The following SNTB2 variants were observed in gnomAD, a reference collection of about 807,000 sequenced individuals.
SNTB2 encodes the protein beta-2-syntrophin.
Under a neutral mutation model 46.2 loss-of-function variants are expected in SNTB2, and 34 were observed. The ratio of observed to expected loss-of-function variants is 0.74; its 90% CI spans 0.56 to 0.98. The LOEUF (loss-of-function observed/expected upper bound fraction) is 0.98. Ranked by LOEUF, SNTB2 falls within the 50% of genes least tolerant of loss-of-function variation. The pLI, the probability that SNTB2 is intolerant of heterozygous loss-of-function variation, is 0.00. For synonymous variants in SNTB2, 290 were observed against 312.6 expected, an observed-to-expected ratio of 0.93 and a Z score of 0.76; for missense variants, 603 against 731.4, an observed-to-expected ratio of 0.82 and a Z score of 2.02.
chr16:69,231,632 A>T (rs1307975578), intron 1 of SNTB2, among the ~76,000 whole-genome samples: 2 of 152,168 alleles, frequency 1.3e-5, no homozygotes, highest in Admixed American at 1.3e-4. Flanking sequence ...TAGAAAATAA[A>T]TATAAATCTT....
intron 1 of SNTB2, among the ~76,000 whole-genome samples, chr16:69,193,263 C>T (rs540473271): frequency 1.4e-5 from 2 of 143,058 alleles, no homozygotes; most frequent in African/African-American, 5.2e-5. Flanking sequence ...ACACCTTACA[C>T]TTAGAAAAAT....
chr16:69,292,379 T>TATATATATTA (rs1491168503), intron 5 of SNTB2, among the ~76,000 whole-genome samples: 1 of 30,304 alleles, frequency 3.3e-5, no homozygotes, highest in African/African-American at 1.7e-4. Flanking sequence ...TATATATATA[T>TATATATATTA]TATATATATA....
intron 1 of SNTB2, among the ~76,000 whole-genome samples, chr16:69,206,083 A>C (rs1359051180): frequency 6.6e-6 from 1 of 152,130 alleles, no homozygotes; most frequent in East Asian, 1.9e-4. Context: ...AGCATCCTCT[A>C]ACTCCTGGGC....
intron 1 of SNTB2, among the ~76,000 whole-genome samples, chr16:69,195,921 T>C (rs1009369052): frequency 1.3e-5 from 2 of 152,134 alleles, no homozygotes; most frequent in South Asian, 2.1e-4. Context: ...GGTTAACTTA[T>C]GTACACTATA....
intron 4 of SNTB2, among the ~76,000 whole-genome samples, chr16:69,280,594 C>T (rs1300570561): frequency 2.1e-5 from 3 of 142,518 alleles, no homozygotes; most frequent in Non-Finnish European, 4.5e-5. Context: ...GGGGGCTGAA[C>T]CCCCCACCTC....
rs1597208484 is a variant in SNTB2 at position 69,307,942 on chromosome 16, A to G, written c.*7018A>G. Reference sequence around the variant, plus strand: ...TTTTCCATAATTTTCACACAATAACAGTCCCTTTCTATCCAGCTTGCCTTC... The same window carrying G: ...TTTTCCATAATTTTCACACAATAACGGTCCCTTTCTATCCAGCTTGCCTTC... On this transcript the variant is annotated 3_prime_UTR_variant, in exon 7 of 7. Transcript: ENST00000336278. The G allele has an allele frequency of 6.6e-6, 1 of 152,368 alleles. No individual in the cohort carries two copies. The highest frequency in any genetic ancestry group is 1.9e-4 in the East Asian group (1 of 5,192). The allele number at this position is 152,368 out of a possible 1,614,324, so 9.4% of individuals were successfully genotyped here. A position where few individuals can be genotyped will look rare whatever the true frequency, so the allele number is the denominator to read the frequency against.
At chr16:69,218,710 T>C (rs1685525554) in intron 1 of SNTB2, among the ~76,000 whole-genome samples, 1 of 152,224 alleles carries the variant, frequency 6.6e-6, no homozygotes, top group Admixed American at 6.5e-5. Flanking sequence ...CATGAGTCAC[T>C]GTGCCTGGCC....
At chr16:69,281,499 G>GTTTTTTTTTTTTTTT (rs1182165949) in intron 4 of SNTB2, among the ~76,000 whole-genome samples, 2 of 111,684 alleles carry the variant, frequency 1.8e-5, no homozygotes, top group African/African-American at 3.2e-5. Flanking sequence ...TTTTTTTTTT[G>GTTTTTTTTTTTTTTT]TTTTTTTTTT....
chr16:69,298,480 T>G (rs1965247414), intron 5 of SNTB2, among the ~76,000 whole-genome samples: 1 of 150,188 alleles, frequency 6.7e-6, no homozygotes, highest in African/African-American at 2.4e-5. Context: ...TCCTTCTGCC[T>G]CTTCCTCCCT....
At chr16:69,205,158 C>CTTT (rs1167359330) in intron 1 of SNTB2, among the ~76,000 whole-genome samples, 7 of 137,894 alleles carry the variant, frequency 5.1e-5, no homozygotes, top group Admixed American at 2.2e-4. Context: ...TAACAGAATT[C>CTTT]TTTTTTTTTT....
At chr16:69,239,745 A>G (rs752164252) in intron 1 of SNTB2, among the ~76,000 whole-genome samples, 1 of 151,992 alleles carries the variant, frequency 6.6e-6, no homozygotes, top group Non-Finnish European at 1.5e-5. Flanking sequence ...GGGTTTCACC[A>G]TGTTGGCCAG....
chr16:69,300,782 T>A, intron 6 of SNTB2, 50 bp from the exon 7 acceptor site: 1 of 1,152,964 alleles, frequency 8.7e-7, no homozygotes, highest in East Asian at 2.4e-5. Flanking sequence ...TTTATTAAGT[T>A]GTCTGTATAT....
Position 69,292,392 on chromosome 16 carries a change from A to T in SNTB2, c.1346-7198A>T, listed in dbSNP as rs1420976503. ...TATATATATATATTATATATATATT[A>T]TATATATATATATATTATATATATA... On this transcript the variant is annotated intron_variant, in intron 5 of 6. Transcript: ENST00000336278. 1.3e-3 allele frequency among the ~76,000 whole-genome samples: 35 copies of T among 26,350 alleles called. 1 individual carries two copies. Among genetic ancestry groups the T allele is most frequent in the Non-Finnish European group, 1.7e-3 (27 of 16,292 alleles). 17.3% of individuals were successfully genotyped at this position (26,350 alleles called of 152,430 possible). A position where few individuals can be genotyped will look rare whatever the true frequency, so the allele number is the denominator to read the frequency against.
At chr16:69,253,654 C>A (rs1964746328) in intron 2 of SNTB2, among the ~76,000 whole-genome samples, 1 of 151,986 alleles carries the variant, frequency 6.6e-6, no homozygotes, top group African/African-American at 2.4e-5. Context: ...GTCTCAAAAA[C>A]AAAAACAAAA....
intron 5 of SNTB2, among the ~76,000 whole-genome samples, chr16:69,286,546 G>A (rs1175924372): frequency 6.6e-6 from 1 of 152,112 alleles, no homozygotes; most frequent in Non-Finnish European, 1.5e-5. Context: ...TTAGCTGGGA[G>A]TGGTGACACA....
chr16:69,217,630 A>T (rs1375753319), intron 1 of SNTB2, among the ~76,000 whole-genome samples: 1 of 152,240 alleles, frequency 6.6e-6, no homozygotes, highest in Non-Finnish European at 1.5e-5. Flanking sequence ...GCTGCTGAGT[A>T]ATCTATACAA....
chr16:69,281,744 AAGAC>A (rs145428502), intron 4 of SNTB2, among the ~76,000 whole-genome samples: 5,541 of 151,578 alleles, frequency 0.037, 151 homozygotes, highest in Non-Finnish European at 0.056. Flanking sequence ...TCGGGAGACT[AAGAC>A]AGGAGAATCG....
At chr16:69,248,887 T>TA (rs1235509781) in intron 2 of SNTB2, among the ~76,000 whole-genome samples, 3 of 148,782 alleles carry the variant, frequency 2.0e-5, no homozygotes, top group African/African-American at 7.5e-5. Flanking sequence ...TTTTTTTTTT[T>TA]AAAGTTAGGG....
At chr16:69,286,102 C>T (rs145325460) in intron 5 of SNTB2, among the ~76,000 whole-genome samples, 169 of 152,114 alleles carry the variant, frequency 1.1e-3, no homozygotes, top group African/African-American at 3.6e-3. Flanking sequence ...TGAGCCACCA[C>T]GCCTGGTCTT....
Sources: gnomAD v4.1 joint callset for allele counts (sites outside exome capture counted in the v4.1 genomes callset) on GRCh38, gnomAD v4.1.1 for gene constraint, MANE v1.5 for transcripts, NCBI Gene and HGNC (gene_info 2026-07-23, HGNC 2026-07-21) for gene names.